SRL: variants seen among roughly 807,000 people sequenced by gnomAD.
SRL encodes sarcalumenin.
SRL carries 23 observed loss-of-function variants against 39.5 expected under a neutral mutation model. The observed-to-expected ratio is 0.58, with a 90% confidence interval of 0.42 to 0.82. The LOEUF is 0.82. Ranked by LOEUF, SRL falls within the 40% of genes least tolerant of loss-of-function variation. The pLI is 0.00. For missense variants in SRL, 592 were observed against 607.8 expected (o/e 0.97, Z 0.27); for synonymous variants, 272 against 237.4 (o/e 1.15, Z -1.34).
rs2052047665 is a variant in SRL at position 4,190,471 on chromosome 16, T to C, written c.*1682A>G. Reference sequence around the variant, plus strand: ...CAGCCCGGGCTGGGTCTCCTGGGCATGCACAGACTGTGCACCATGCACATT... The same window carrying C: ...CAGCCCGGGCTGGGTCTCCTGGGCACGCACAGACTGTGCACCATGCACATT... On this transcript the variant is annotated 3_prime_UTR_variant, in exon 6 of 6. Coordinates refer to ENST00000399609, the MANE Select transcript of SRL (RefSeq NM_001098814.2). The C allele has an allele frequency of 2.5e-6, 1 of 398,798 alleles. No individual in the cohort carries two copies. Among genetic ancestry groups the C allele is most frequent in the Non-Finnish European group, 4.4e-6 (1 of 226,228 alleles). 24.7% of individuals were successfully genotyped at this position (398,798 alleles called of 1,614,324 possible).
Position 4,192,759 on chromosome 16 carries a change from G to T in SRL, c.816C>A (p.Leu272=). The change falls in exon 6 of 6, where the codon CTC becomes CTA. Residue 272 remains leucine (L), a synonymous_variant. Transcript: ENST00000399609. This position sits in a 1 kb window ranked among gnomAD's most constrained non-coding sequence, Gnocchi z 4.0. ...TGATGAGAGGGGCCAAGCTCCAGAAGAGGGCCCCGTAAACCCGCATGAGCA... is the reference window on the plus strand; with the variant it reads ...TGATGAGAGGGGCCAAGCTCCAGAATAGGGCCCCGTAAACCCGCATGAGCA... ...TQMLMRVYGA[L]FWSLAPLINV... 2 of 1,614,192 alleles carry T rather than the reference G, an allele frequency of 1.2e-6. No individual in the cohort carries two copies. The highest frequency in any genetic ancestry group is 1.7e-6 in the Non-Finnish European group (2 of 1,180,042).
intron 1 of SRL, among the ~76,000 whole-genome samples, chr16:4,240,849 G>C (rs758179697): frequency 1.3e-5 from 2 of 152,132 alleles, no homozygotes; most frequent in Non-Finnish European, 1.5e-5. Flanking sequence ...ACAGCCGCCT[G>C]GAATACTCAG....
At chr16:4,223,621 A>G (rs2052555776) in intron 1 of SRL, among the ~76,000 whole-genome samples, 1 of 151,940 alleles carries the variant, frequency 6.6e-6, no homozygotes, top group Non-Finnish European at 1.5e-5. Context: ...CCTGGGCTCA[A>G]GTGATCCTCC....
Position 4,241,999 on chromosome 16 carries a change from G to C in SRL, c.61+8C>G. ...GTCTGGGCTGGGTCATGCTGGGAGG[G>C]GCCCTACCTGCTTGTCCTGAGAACA... On this transcript the variant is annotated splice_region_variant and intron_variant, in intron 1 of 5. Transcript: ENST00000399609. 1 of 1,613,772 alleles carries C rather than the reference G, an allele frequency of 6.2e-7. No homozygotes were observed. The highest frequency in any genetic ancestry group is 8.5e-7 in the Non-Finnish European group (1 of 1,179,944).
intron 1 of SRL, among the ~76,000 whole-genome samples, chr16:4,241,386 GC>G (rs1182760285): frequency 2.6e-5 from 4 of 152,172 alleles, no homozygotes; most frequent in Non-Finnish European, 5.9e-5. Context: ...TCTGATGGAA[GC>G]CCCCACCCCG....
At chr16:4,207,512 C>T (rs1567179591) in intron 1 of SRL, 2 of 456,592 alleles carry the variant, frequency 4.4e-6, no homozygotes, top group Non-Finnish European at 8.8e-6. Flanking sequence ...GTGGGCCGAC[C>T]CCATCACCCT....
At chr16:4,238,437 C>A (rs56284072) in intron 1 of SRL, among the ~76,000 whole-genome samples, 5 of 152,134 alleles carry the variant, frequency 3.3e-5, no homozygotes, top group South Asian at 2.1e-4. Context: ...TAGATGCTAC[C>A]GGCCTCATCT....
At chr16:4,204,086 C>G (rs767012105) in intron 2 of SRL, among the ~76,000 whole-genome samples, 8 of 152,234 alleles carry the variant, frequency 5.3e-5, no homozygotes, top group Non-Finnish European at 1.2e-4. Flanking sequence ...GAGCAAATCG[C>G]TGCTAGCCTG....
At chr16:4,207,844 G>C (rs984814992) in intron 1 of SRL, 1 of 456,502 alleles carries the variant, frequency 2.2e-6, no homozygotes, top group Admixed American at 2.4e-5. Flanking sequence ...CTTTCCCCAG[G>C]TGGAGGTGAC....
At chr16:4,238,464 G>T (rs745376823) in intron 1 of SRL, among the ~76,000 whole-genome samples, 2 of 152,168 alleles carry the variant, frequency 1.3e-5, no homozygotes, top group African/African-American at 2.4e-5. Context: ...CCCTCTGGGG[G>T]ATAAGCGGGT....
In SRL at chr16:4,220,278, AACACACAC is replaced by A. The variant is rs71394664; in HGVS notation, c.62-15652_62-15645del. Among the ~76,000 whole-genome samples the A allele has an allele frequency of 1.7e-3, 242 of 140,802 alleles. 1 individual carries two copies. The highest frequency in any genetic ancestry group is 5.9e-3 in the African/African-American group (218 of 37,068). The allele number at this position is 140,802 out of a possible 152,430, so 92.4% of individuals were successfully genotyped here. A position where few individuals can be genotyped will look rare whatever the true frequency, so the allele number is the denominator to read the frequency against. ...CATAGCGAAAATCTGTCTCTACTAA[AACACACAC>A]ACACACACACACACACACACACAAA... On this transcript the variant is annotated intron_variant, in intron 1 of 5. Coordinates refer to ENST00000399609, the MANE Select transcript of SRL (RefSeq NM_001098814.2).
chr16:4,225,669 C>T (rs1050020563), intron 1 of SRL, among the ~76,000 whole-genome samples: 27 of 152,102 alleles, frequency 1.8e-4, no homozygotes, highest in African/African-American at 6.3e-4. Flanking sequence ...CATTTCTTAA[C>T]ACCCCTGCCC....
Position 4,197,873 on chromosome 16 carries a change from G to T in SRL, c.302C>A (p.Pro101Gln). Reference sequence around the variant, plus strand: ...CATGGTAGATTTACCAACACTCCACGGTCCCAGGAACAGTACCATGGGCTT... The same window carrying T: ...CATGGTAGATTTACCAACACTCCACTGTCCCAGGAACAGTACCATGGGCTT... ...TSKPMVLFLG[P>Q]WSVGKSTMIN... Residue 101 changes from proline (P) to glutamine (Q), a missense_variant, in exon 4 of 6, where the codon CCG (proline) becomes CAG (glutamine). Physicochemically the swap from Pro to Gln is moderately conservative, Grantham distance 76. Coordinates refer to ENST00000399609, the MANE Select transcript of SRL (RefSeq NM_001098814.2). The T allele has an allele frequency of 6.2e-7, 1 of 1,614,014 alleles. No individual in the cohort carries two copies. Among genetic ancestry groups the T allele is most frequent in the East Asian group, 2.2e-5 (1 of 44,880 alleles).
In SRL at chr16:4,204,226, A is replaced by G. The variant is rs887482770; in HGVS notation, c.163+307T>C. Among the ~76,000 whole-genome samples the G allele has an allele frequency of 2.0e-5, 3 of 152,216 alleles. No homozygotes were observed. The South Asian group carries it at 6.2e-4, about 31-fold the overall frequency. Reference sequence around the variant, plus strand: ...TAAAAATCACAGCGAGGGAGATGGCATCAGCACAGCATGGGGCTGCACTGG... The same window carrying G: ...TAAAAATCACAGCGAGGGAGATGGCGTCAGCACAGCATGGGGCTGCACTGG... On this transcript the variant is annotated intron_variant, in intron 2 of 5. Coordinates refer to ENST00000399609, the MANE Select transcript of SRL (RefSeq NM_001098814.2).
intron 1 of SRL, among the ~76,000 whole-genome samples, chr16:4,212,715 TG>T (rs1373731017): frequency 2.0e-5 from 3 of 151,832 alleles, no homozygotes; most frequent in African/African-American, 7.3e-5. Context: ...CCAGAGACCA[TG>T]GGAAGGCCCC....
rs1378186917 is a variant in SRL at position 4,225,029 on chromosome 16, G to C, written c.61+16978C>G. On this transcript the variant is annotated intron_variant, in intron 1 of 5. Coordinates refer to ENST00000399609, the MANE Select transcript of SRL (RefSeq NM_001098814.2). ...CTTGTGTGATTCCATTTATACGAAA[G>C]TCCAGAATAAGCAAATCCATAGACA... Among the ~76,000 whole-genome samples the C allele has an allele frequency of 2.6e-5, 4 of 152,188 alleles. No individual in the cohort carries two copies. In the East Asian group the frequency reaches 7.7e-4, roughly 29 times the overall value.
chr16:4,240,837 T>G (rs1267233300), intron 1 of SRL, among the ~76,000 whole-genome samples: 1 of 152,106 alleles, frequency 6.6e-6, no homozygotes, highest in East Asian at 1.9e-4. Context: ...CTTAGCCGCC[T>G]GACAGCCGCC....
chr16:4,211,560 G>C lies in SRL; in HGVS notation c.62-6926C>G, dbSNP rs530468244. Among the ~76,000 whole-genome samples the C allele has an allele frequency of 6.6e-3, 861 of 130,912 alleles. 31 individuals carry two copies. Among genetic ancestry groups the C allele is most frequent in the African/African-American group, 0.028 (799 of 28,598 alleles). The allele number at this position is 130,912 out of a possible 152,430, so 85.9% of individuals were successfully genotyped here. On this transcript the variant is annotated intron_variant, in intron 1 of 5. Transcript: ENST00000399609. ...ATGGTGATGACCGTGCCGATGATGA[G>C]GATCGTGATGATGATGATGATGGTG... is the stretch of plus-strand genomic sequence containing the variant.
At chr16:4,195,345 T>A (rs2052121338) in intron 5 of SRL, among the ~76,000 whole-genome samples, 2 of 152,220 alleles carry the variant, frequency 1.3e-5, no homozygotes, top group South Asian at 4.2e-4. Flanking sequence ...CATAGGCACA[T>A]GCGAACATGC....
Sources: gnomAD v4.1 joint callset for allele counts (sites outside exome capture counted in the v4.1 genomes callset) on GRCh38, gnomAD v4.1.1 for gene constraint, Gnocchi (gnomAD v3.1) non-coding constraint, MANE v1.5 for transcripts, NCBI Gene and HGNC (gene_info 2026-07-23, HGNC 2026-07-21) for gene names.